The following ANKRD44 variants were observed in gnomAD, a reference collection of about 807,000 sequenced individuals.
ANKRD44 encodes the protein serine/threonine-protein phosphatase 6 regulatory ankyrin repeat subunit B.
Under a neutral mutation model 116.0 loss-of-function variants are expected in ANKRD44, and 35 were observed. The observed-to-expected ratio is 0.30, with a 90% CI of 0.23 to 0.40. The LOEUF is 0.40. ANKRD44 is among the 10% of genes least tolerant of loss of function. The pLI is 1.00. For synonymous variants in ANKRD44, 435 were observed against 461.8 expected (o/e 0.94, Z 0.74); for missense variants, 1,014 against 1,242.6 (o/e 0.82, Z 2.77).
intron 1 of ANKRD44, among the ~76,000 whole-genome samples, chr2:197,218,777 T>TTTTTTTTTTTTTTA (rs2081513362): frequency 1.1e-5 from 1 of 87,272 alleles, no homozygotes; most frequent in African/African-American, 3.9e-5. Context: ...TTTTTTTTTT[T>TTTTTTTTTTTTTTA]GAGATGGAGT....
intron 2 of ANKRD44, among the ~76,000 whole-genome samples, chr2:197,178,834 G>A (rs575454640): frequency 3.9e-5 from 6 of 152,198 alleles, no homozygotes; most frequent in African/African-American, 1.4e-4. Flanking sequence ...TAAGGATTCA[G>A]CTTTACATAT....
intron 16 of ANKRD44, among the ~76,000 whole-genome samples, chr2:197,052,673 G>A (rs2077130821): frequency 6.6e-6 from 1 of 152,072 alleles, no homozygotes; most frequent in Non-Finnish European, 1.5e-5. Flanking sequence ...GTAAAGACTG[G>A]GGAGAAGGTG....
At chr2:197,147,160 T>C in intron 2 of ANKRD44, 55 bp from the exon 3 acceptor site, 1 of 1,476,040 alleles carries the variant, frequency 6.8e-7, no homozygotes, top group Non-Finnish European at 9.5e-7. Context: ...TGGAGGTCCC[T>C]TTTGTAGACA....
At chr2:197,288,545 C>T (rs117655772) in intron 1 of ANKRD44, among the ~76,000 whole-genome samples, 1,825 of 152,250 alleles carry the variant, frequency 0.012, 21 homozygotes, top group Middle Eastern at 0.037. Context: ...GCAAGTTTAT[C>T]ACAGCACTAT....
chr2:197,130,191 T>C (rs796184874), intron 4 of ANKRD44, among the ~76,000 whole-genome samples: 16 of 152,346 alleles, frequency 1.1e-4, no homozygotes, highest in African/African-American at 3.8e-4. Context: ...TAAATTGATG[T>C]CCAACCAATT....
chr2:197,145,400 C>T (rs2079474296), intron 3 of ANKRD44, among the ~76,000 whole-genome samples: 1 of 152,186 alleles, frequency 6.6e-6, no homozygotes, highest in Non-Finnish European at 1.5e-5. Flanking sequence ...TTTATACCTC[C>T]ACTGATTCTG....
intron 1 of ANKRD44, among the ~76,000 whole-genome samples, chr2:197,282,201 G>C (rs10210973): frequency 1.6e-3 from 247 of 152,162 alleles, no homozygotes; most frequent in African/African-American, 5.7e-3. Context: ...TGCAGTGAGC[G>C]GAGATCATGC....
chr2:196,972,057 G>A lies in ANKRD44; in HGVS notation c.2369-4611C>T, dbSNP rs2075719715. 2.0e-5 allele frequency among the ~76,000 whole-genome samples: 3 copies of A among 152,254 alleles called. No individual in the cohort carries two copies. The South Asian group carries it at 6.2e-4, about 32-fold the overall frequency. ...CAGACAGAGCTTGGTCATGCAGGCT[G>A]GGGGTTTGTATGACTACATGCAAGA... On this transcript the variant is annotated intron_variant, in intron 21 of 21. Coordinates refer to the ANKRD44 transcript ENST00000424317.
At chr2:197,174,699 C>G (rs2080323436) in intron 2 of ANKRD44, among the ~76,000 whole-genome samples, 1 of 152,198 alleles carries the variant, frequency 6.6e-6, no homozygotes, top group Non-Finnish European at 1.5e-5. Flanking sequence ...CCAGTGCTGG[C>G]ACCACTGTAG....
chr2:197,060,541 G>A (rs974261742), intron 16 of ANKRD44, among the ~76,000 whole-genome samples: 8 of 152,084 alleles, frequency 5.3e-5, no homozygotes, highest in Non-Finnish European at 1.0e-4. Context: ...GTGTGTGTGC[G>A]GTGAGAACAC....
At chr2:197,296,896 T>G (rs760238668) in intron 1 of ANKRD44, among the ~76,000 whole-genome samples, 24 of 152,232 alleles carry the variant, frequency 1.6e-4, no homozygotes, top group Non-Finnish European at 2.6e-4. Flanking sequence ...TTTCTACCGT[T>G]ATAAATTAAT....
intron 25 of ANKRD44, among the ~76,000 whole-genome samples, chr2:196,996,926 T>A (rs868356484): frequency 9.7e-4 from 108 of 111,582 alleles, no homozygotes; most frequent in African/African-American, 3.2e-3. Context: ...AAAAAAAAAA[T>A]TATATCCTTA....
intron 1 of ANKRD44, among the ~76,000 whole-genome samples, chr2:197,256,112 G>A (rs538859781): frequency 7.6e-4 from 115 of 152,288 alleles, no homozygotes; most frequent in African/African-American, 2.7e-3. Context: ...TCTTTTCAAA[G>A]CTTATAGTAT....
chr2:197,226,084 G>A (rs1021921625), intron 1 of ANKRD44, among the ~76,000 whole-genome samples: 2 of 152,114 alleles, frequency 1.3e-5, no homozygotes, highest in East Asian at 3.8e-4. Flanking sequence ...TAACTTTCCT[G>A]TCTTCCAAGA....
chr2:197,047,919 A>G (rs1479097778), intron 16 of ANKRD44, among the ~76,000 whole-genome samples: 1 of 152,156 alleles, frequency 6.6e-6, no homozygotes, highest in African/African-American at 2.4e-5. Context: ...AAAGAAAAAA[A>G]AAAAAAAGTG....
At position 197,024,531 on chromosome 2, in the gene ANKRD44, G is replaced by C. The variant is rs561784967; in HGVS notation, c.1722+665C>G. ...GAGTGGTGGGTGCACTTCCCACCTT[G>C]GTCACTCCCATGAAGAGTTTGGGGA... On this transcript the variant is annotated intron_variant, in intron 17 of 27. Coordinates refer to ENST00000282272, the MANE Select transcript of ANKRD44 (RefSeq NM_001195144.2). Among the ~76,000 whole-genome samples, 7 of 152,280 alleles carry C rather than the reference G, an allele frequency of 4.6e-5. No individual in the cohort carries two copies. In the East Asian group the frequency reaches 1.4e-3, roughly 29 times the overall value.
chr2:197,116,722 T>C (rs1049344407), intron 8 of ANKRD44, among the ~76,000 whole-genome samples: 2 of 152,214 alleles, frequency 1.3e-5, no homozygotes, highest in African/African-American at 4.8e-5. Context: ...CGTCCCTTTC[T>C]CCTGGTTTCA....
At chr2:197,141,216 C>G (rs2079357672) in intron 3 of ANKRD44, among the ~76,000 whole-genome samples, 1 of 152,090 alleles carries the variant, frequency 6.6e-6, no homozygotes, top group Admixed American at 6.5e-5. Flanking sequence ...GACTCTATCT[C>G]AAATACATAC....
At chr2:197,022,833 TTAAA>T (rs1306444481) in intron 17 of ANKRD44, among the ~76,000 whole-genome samples, 1 of 152,158 alleles carries the variant, frequency 6.6e-6, no homozygotes, top group Non-Finnish European at 1.5e-5. Flanking sequence ...ACCCCACCTC[TTAAA>T]TAAATAAATA....
Sources: allele counts gnomAD v4.1 joint callset (sites outside exome capture counted in the v4.1 genomes callset), GRCh38; gene constraint gnomAD v4.1.1; transcripts MANE v1.5; gene names NCBI Gene and HGNC (gene_info 2026-07-23, HGNC 2026-07-21).